The following DHX15 variants were observed in gnomAD, a reference collection of about 807,000 sequenced individuals.
The protein encoded by DHX15 is DEAH-box helicase 15.
A neutral mutation model predicts 94.4 loss-of-function variants in DHX15; 11 were observed. The ratio of observed to expected loss-of-function variants is 0.12; its 90% CI spans 0.07 to 0.19. The LOEUF (loss-of-function observed/expected upper bound fraction) is 0.19, where lower values mean the gene tolerates loss of function less well. Among genes scored for constraint, DHX15 ranks in the 10% least tolerant of loss-of-function variants. The pLI is 1.00. For missense variants in DHX15, 304 were observed against 988.5 expected (o/e 0.31, Z 9.29); for synonymous variants, 338 against 329.9 (o/e 1.02, Z -0.27).
intron 1 of DHX15, among the ~76,000 whole-genome samples, chr4:24,579,674 T>C (rs572344685): frequency 6.6e-6 from 1 of 152,362 alleles, no homozygotes; most frequent in South Asian, 2.1e-4. Flanking sequence ...ATATGTTTTG[T>C]AGAGTATAGA....
At chr4:24,561,194 G>A (rs1213699977) in intron 3 of DHX15, among the ~76,000 whole-genome samples, 1 of 152,162 alleles carries the variant, frequency 6.6e-6, no homozygotes, top group Non-Finnish European at 1.5e-5. Flanking sequence ...TCCATCAATA[G>A]AATTTGTTAA....
At chr4:24,569,346 A>T (rs912234799) in intron 3 of DHX15, among the ~76,000 whole-genome samples, 77 of 152,202 alleles carry the variant, frequency 5.1e-4, no homozygotes, top group African/African-American at 1.8e-3. Context: ...TAATCCCAGC[A>T]CTGTGGGAGG....
At chr4:24,563,180 GTA>G (rs1437238226) in intron 3 of DHX15, 1 of 151,474 alleles carries the variant, frequency 6.6e-6, no homozygotes, top group Non-Finnish European at 1.5e-5. Context: ...ATATATGTAT[GTA>G]TATATTTTAA....
chr4:24,537,331 G>T lies in DHX15; in HGVS notation c.1787-158C>A. On this transcript the variant is annotated intron_variant, in intron 10 of 13. Coordinates refer to ENST00000336812, the MANE Select transcript of DHX15 (RefSeq NM_001358.3). The surrounding 1 kb of genome is among the most constrained non-coding windows in gnomAD (Gnocchi z 4.7). ...TTGGATTGTTTACTACCTTGATTTG[G>T]TACATCAACACCTAACCACATCTGT... 2 of 839,400 alleles carry T rather than the reference G, an allele frequency of 2.4e-6. No individual in the cohort carries two copies. The highest frequency in any genetic ancestry group is 3.5e-6 in the Non-Finnish European group (2 of 564,574). 52.0% of individuals were successfully genotyped at this position (839,400 alleles called of 1,614,324 possible). A position where few individuals can be genotyped will look rare whatever the true frequency, so the allele number is the denominator to read the frequency against.
chr4:24,543,572 G>C (rs1011873938), intron 6 of DHX15, among the ~76,000 whole-genome samples: 10 of 152,220 alleles, frequency 6.6e-5, no homozygotes, highest in African/African-American at 2.4e-4. Context: ...TTCGGTAAGT[G>C]CATGGTCTCA....
chr4:24,573,176 G>T (rs1407015566), intron 2 of DHX15, among the ~76,000 whole-genome samples: 1 of 152,182 alleles, frequency 6.6e-6, no homozygotes, highest in Admixed American at 6.5e-5. Context: ...ATCCCAAAGT[G>T]CCAGGATTAC....
At position 24,537,430 on chromosome 4, in the gene DHX15, TA is replaced by T. The variant is rs1721219424; in HGVS notation, c.1787-258del. The T allele has an allele frequency of 9.4e-6, 3 of 319,654 alleles. No homozygotes were observed. The highest frequency in any genetic ancestry group is 1.7e-5 in the Non-Finnish European group (3 of 175,172). The allele number at this position is 319,654 out of a possible 1,614,324, so 19.8% of individuals were successfully genotyped here. On this transcript the variant is annotated intron_variant, in intron 10 of 13. Transcript: ENST00000336812. This position sits in a 1 kb window ranked among gnomAD's most constrained non-coding sequence, Gnocchi z 4.7. The stretch of plus-strand genomic sequence containing the variant: ...ATCTAAAAGTAGGCATCAAAACAGC[TA>T]TTCTGAAGGCCATCAGGATACTAAA...
chr4:24,532,668 AATTT>A (rs1478299338), intron 12 of DHX15, among the ~76,000 whole-genome samples, 192 bp downstream of exon 12: 1 of 152,216 alleles, frequency 6.6e-6, no homozygotes, highest in African/African-American at 2.4e-5. Context: ...TTAGTACATT[AATTT>A]GTTACTCATT....
chr4:24,584,274 G>A, intron 1 of DHX15, 49 bp downstream of exon 1: 2 of 1,571,154 alleles, frequency 1.3e-6, no homozygotes, highest in South Asian at 1.1e-5. Context: ...TCCCTGCCAG[G>A]ACCCCAACAA....
chr4:24,575,862 G>C (rs1722248326), intron 2 of DHX15, among the ~76,000 whole-genome samples: 1 of 152,070 alleles, frequency 6.6e-6, no homozygotes, highest in Non-Finnish European at 1.5e-5. Flanking sequence ...TATTACTTTG[G>C]CATTTCATTT....
rs75278835 is a variant in DHX15, at chr4:24,574,336, C to A, written c.507+1907G>T. Among the ~76,000 whole-genome samples, 579 of 151,722 alleles carry A rather than the reference C, an allele frequency of 3.8e-3. 8 individuals are homozygous for A. Among genetic ancestry groups the A allele is most frequent in the African/African-American group, 0.013 (555 of 41,350 alleles). ...TGAGTCAAAGTTTAATAAGAGCATG[C>A]TAGGAAACATTTGAATGAAATTCAC... is the stretch of plus-strand genomic sequence containing the variant. On this transcript the variant is annotated intron_variant, in intron 2 of 13. Coordinates refer to ENST00000336812, the MANE Select transcript of DHX15 (RefSeq NM_001358.3).
intron 10 of DHX15, chr4:24,538,706 A>AT (rs1337283438): frequency 2.6e-5 from 4 of 151,702 alleles, no homozygotes; most frequent in Admixed American, 2.6e-4. Flanking sequence ...CTGACAAACT[A>AT]AAGGTTTTTA....
chr4:24,556,641 A>C (rs1577342599), intron 3 of DHX15, among the ~76,000 whole-genome samples: 1 of 152,222 alleles, frequency 6.6e-6, no homozygotes, highest in Non-Finnish European at 1.5e-5. Context: ...TGTAATACTG[A>C]AATGTACTGG....
At chr4:24,567,642 ACAC>A (rs1722022553) in intron 3 of DHX15, among the ~76,000 whole-genome samples, 2 of 152,250 alleles carry the variant, frequency 1.3e-5, no homozygotes, top group African/African-American at 4.8e-5. Flanking sequence ...CAAAAGGGCT[ACAC>A]CAGAAGCCAA....
intron 2 of DHX15, among the ~76,000 whole-genome samples, chr4:24,573,688 T>G (rs1722173894): frequency 6.6e-6 from 1 of 152,112 alleles, no homozygotes; most frequent in African/African-American, 2.4e-5. Context: ...CAAGATATAT[T>G]AAGGCTCAAC....
intron 3 of DHX15, among the ~76,000 whole-genome samples, chr4:24,559,960 T>C (rs1322749121): frequency 2.0e-5 from 3 of 152,184 alleles, no homozygotes; most frequent in South Asian, 2.1e-4. Flanking sequence ...AAAAACATCC[T>C]TGGAGTAAGT....
intron 5 of DHX15, 34 bp from the exon 6 acceptor site, chr4:24,549,056 T>C (rs1404000466): frequency 3.8e-6 from 6 of 1,563,486 alleles, no homozygotes; most frequent in Non-Finnish European, 5.2e-6. Flanking sequence ...AAACGAATAC[T>C]GAAACATTTT....
At chr4:24,575,092 C>T (rs1011896869) in intron 2 of DHX15, among the ~76,000 whole-genome samples, 11 of 150,818 alleles carry the variant, frequency 7.3e-5, no homozygotes, top group South Asian at 4.2e-4. Context: ...AGGAGGTTGA[C>T]GCTGTGTTCA....
At chr4:24,584,252 G>T in intron 1 of DHX15, 71 bp downstream of exon 1, 4 of 1,489,160 alleles carry the variant, frequency 2.7e-6, no homozygotes, top group South Asian at 1.2e-5. Context: ...GGCCAGGCCA[G>T]CCCCGGCCCG....
Sources: gnomAD v4.1 joint callset for allele counts (sites outside exome capture counted in the v4.1 genomes callset) on GRCh38, gnomAD v4.1.1 for gene constraint, Gnocchi (gnomAD v3.1) non-coding constraint, MANE v1.5 for transcripts, NCBI Gene and HGNC (gene_info 2026-07-23, HGNC 2026-07-21) for gene names.